The following IMMP1L variants were observed in gnomAD, a reference collection of about 807,000 sequenced individuals.
IMMP1L encodes mitochondrial inner membrane protease subunit 1.
Under a neutral mutation model 21.8 loss-of-function variants are expected in IMMP1L, and 24 were observed. That is an observed-to-expected ratio of 1.10 (90% CI 0.80 to 1.55). IMMP1L has a LOEUF of 1.55. Ranked by LOEUF, IMMP1L falls within the 40% of genes most tolerant of loss-of-function variation. The pLI is 0.00. For synonymous variants in IMMP1L, 46 were observed against 62.8 expected, an observed-to-expected ratio of 0.73 and a Z score of 1.26; for missense variants, 195 against 200.7, an observed-to-expected ratio of 0.97 and a Z score of 0.17.
At chr11:31,433,410 CTT>C (rs773956162) in intron 5 of IMMP1L, 48 bp downstream of exon 5, 4 of 1,089,554 alleles carry the variant, frequency 3.7e-6, no homozygotes, top group Admixed American at 4.3e-5. Context: ...TTGAGAGAAA[CTT>C]TTTCTAGCTC....
At chr11:31,466,690 T>C (rs1954367453) in intron 1 of IMMP1L, among the ~76,000 whole-genome samples, 1 of 152,076 alleles carries the variant, frequency 6.6e-6, no homozygotes, top group Non-Finnish European at 1.5e-5. Context: ...TTCACTCATC[T>C]GTGGGAGCTT....
intron 4 of IMMP1L, among the ~76,000 whole-genome samples, chr11:31,449,456 T>C (rs1953665135): frequency 6.6e-6 from 1 of 152,208 alleles, no homozygotes; most frequent in African/African-American, 2.4e-5. Flanking sequence ...AGATTGTTTC[T>C]TAGGTTGTCC....
intron 1 of IMMP1L, among the ~76,000 whole-genome samples, chr11:31,506,273 GC>G (rs67096309): frequency 1 from 145,874 of 145,874 alleles, 72,937 homozygotes; most frequent in Non-Finnish European, 1. Context: ...TGTCGCCCAG[GC>G]CTGGAGTGCA....
chr11:31,503,365 C>G (rs1955683013), intron 1 of IMMP1L, among the ~76,000 whole-genome samples: 3 of 151,634 alleles, frequency 2.0e-5, no homozygotes, highest in African/African-American at 7.3e-5. Context: ...CTTAGCAAAT[C>G]AAAATGAAGG....
At chr11:31,449,751 A>G (rs546649731) in intron 4 of IMMP1L, among the ~76,000 whole-genome samples, 1 of 152,340 alleles carries the variant, frequency 6.6e-6, no homozygotes, top group South Asian at 2.1e-4. Flanking sequence ...TTGGTGAACA[A>G]TGTTTCACCT....
At chr11:31,439,793 G>A (rs1010963561) in intron 4 of IMMP1L, among the ~76,000 whole-genome samples, 1 of 152,080 alleles carries the variant, frequency 6.6e-6, no homozygotes, top group African/African-American at 2.4e-5. Context: ...GGCTATTTTA[G>A]TCCTACCACT....
chr11:31,507,196 G>A (rs574035688), intron 1 of IMMP1L, among the ~76,000 whole-genome samples: 3 of 149,890 alleles, frequency 2.0e-5, no homozygotes, highest in Admixed American at 6.7e-5. Flanking sequence ...GGAGAATGGT[G>A]TGAACCCAGG....
At chr11:31,434,452 G>C (rs1259877601) in intron 4 of IMMP1L, among the ~76,000 whole-genome samples, 1 of 151,930 alleles carries the variant, frequency 6.6e-6, no homozygotes, top group Non-Finnish European at 1.5e-5. Flanking sequence ...TTACAGTTTT[G>C]TTATCTAAGA....
intron 5 of IMMP1L, among the ~76,000 whole-genome samples, chr11:31,433,160 GC>G (rs1294404218): frequency 6.6e-6 from 1 of 152,150 alleles, no homozygotes; most frequent in Non-Finnish European, 1.5e-5. Context: ...TATGCCCTGG[GC>G]AGGATGTGAA....
At chr11:31,475,765 T>C (rs922298793) in intron 1 of IMMP1L, among the ~76,000 whole-genome samples, 54 of 152,182 alleles carry the variant, frequency 3.5e-4, no homozygotes, top group African/African-American at 1.3e-3. Flanking sequence ...AAAGAATGTA[T>C]ACCATTGAGA....
intron 4 of IMMP1L, among the ~76,000 whole-genome samples, chr11:31,454,248 G>A (rs1327704316): frequency 2.6e-5 from 4 of 151,682 alleles, no homozygotes; most frequent in East Asian, 3.9e-4. Flanking sequence ...ATAAAAACTC[G>A]GTAATAGAAC....
intron 1 of IMMP1L, among the ~76,000 whole-genome samples, chr11:31,509,109 G>C (rs181678978): frequency 6.6e-6 from 1 of 152,292 alleles, no homozygotes; most frequent in African/African-American, 2.4e-5. Context: ...ATTAACAAAA[G>C]CTTCTTATCG....
chr11:31,463,688 G>C (rs960536663), intron 1 of IMMP1L, among the ~76,000 whole-genome samples: 1 of 152,074 alleles, frequency 6.6e-6, no homozygotes, highest in African/African-American at 2.4e-5. Context: ...CCATGTAATA[G>C]GAAATAATGG....
At chr11:31,470,201 G>GTCGGGAGT (rs1954494736) in intron 1 of IMMP1L, among the ~76,000 whole-genome samples, 1 of 152,128 alleles carries the variant, frequency 6.6e-6, no homozygotes, top group Non-Finnish European at 1.5e-5. Flanking sequence ...ATCACCTGAT[G>GTCGGGAGT]TCGGGAGTTC....
intron 4 of IMMP1L, chr11:31,437,134 G>A: frequency 2.2e-6 from 1 of 448,634 alleles, no homozygotes; most frequent in Non-Finnish European, 4.5e-6. Context: ...GTTGCAGGTT[G>A]AGTATCTCTT....
chr11:31,447,666 TA>T (rs1953573962), intron 4 of IMMP1L, among the ~76,000 whole-genome samples: 1 of 152,244 alleles, frequency 6.6e-6, no homozygotes, highest in Non-Finnish European at 1.5e-5. Context: ...TTTCTTAAAG[TA>T]ATTATGAAAA....
chr11:31,494,942 C>A (rs1458441570), intron 1 of IMMP1L, among the ~76,000 whole-genome samples: 1 of 152,198 alleles, frequency 6.6e-6, no homozygotes, highest in South Asian at 2.1e-4. Context: ...CCGCGACCAG[C>A]CCAAATTTTC....
intron 3 of IMMP1L, among the ~76,000 whole-genome samples, chr11:31,457,775 T>C (rs1953996692): frequency 6.6e-6 from 1 of 152,158 alleles, no homozygotes; most frequent in East Asian, 1.9e-4. Context: ...AAAGATACCA[T>C]CTTTATCAGA....
Position 31,496,810 on chromosome 11 carries a change from CAT to C in IMMP1L, c.-30+12707_-30+12708del, listed in dbSNP as rs201549605. ...TTATAATAGATAATCCTATATATAA[CAT>C]ATATTATACATTATATAATCTATAA... On this transcript the variant is annotated intron_variant, in intron 1 of 5. Transcript: ENST00000532287. Among the ~76,000 whole-genome samples, 1,424 of 147,348 alleles carry C rather than the reference CAT, an allele frequency of 9.7e-3. 26 individuals are homozygous for C. The highest frequency in any genetic ancestry group is 0.034 in the African/African-American group (1,366 of 40,574).
Sources: gnomAD v4.1 joint callset for allele counts (sites outside exome capture counted in the v4.1 genomes callset) on GRCh38, gnomAD v4.1.1 for gene constraint, MANE v1.5 for transcripts, NCBI Gene and HGNC (gene_info 2026-07-23, HGNC 2026-07-21) for gene names.